Variants in EIF3D observed in about 807,000 individuals in gnomAD.
The protein encoded by EIF3D is eukaryotic translation initiation factor 3 subunit D.
Under a neutral mutation model 75.4 loss-of-function variants are expected in EIF3D, and 10 were observed. That is an observed-to-expected ratio of 0.13 (90% CI 0.08 to 0.22). The LOEUF (loss-of-function observed/expected upper bound fraction) is 0.22, where lower values mean the gene tolerates loss of function less well. Ranked by LOEUF, EIF3D falls within the 10% of genes least tolerant of loss-of-function variation. The pLI is 1.00. For missense variants in EIF3D, 394 were observed against 708.0 expected, an observed-to-expected ratio of 0.56 and a Z score of 5.03; for synonymous variants, 246 against 248.3, an observed-to-expected ratio of 0.99 and a Z score of 0.09.
At chr22:36,516,259 TCTTAACA>T (rs1427480205) in intron 12 of EIF3D, 4 of 498,738 alleles carry the variant, frequency 8.0e-6, no homozygotes, top group Non-Finnish European at 1.4e-5. Flanking sequence ...GCAGAAAAGT[TCTTAACA>T]CTTAACATAG....
chr22:36,519,617 T>G, intron 7 of EIF3D, 80 bp from the exon 8 acceptor site: 1 of 1,583,250 alleles, frequency 6.3e-7, no homozygotes, highest in Non-Finnish European at 8.6e-7. Context: ...CATCCAGAAG[T>G]CTTATCCAAA....
rs756190316 is a variant in EIF3D at position 36,524,640 on chromosome 22, T to C, written c.262A>G (p.Thr88Ala). 1.9e-6 allele frequency: 3 copies of C among 1,614,226 alleles called. No individual in the cohort carries two copies. Among genetic ancestry groups the C allele is most frequent in the Non-Finnish European group, 2.5e-6 (3 of 1,180,044 alleles). Residue 88 changes from threonine to alanine, a missense_variant, in exon 4 of 15, where the codon ACA (threonine) becomes GCA (alanine). Coordinates refer to ENST00000216190, the MANE Select transcript of EIF3D (RefSeq NM_003753.4). ...SSFQLVDTAR[T>A]QKTAYQRNRM... ...TTCCGCTGGTAGGCCGTCTTCTGTG[T>C]GCGCGCTGTATCCACCAGCTGGAAG...
chr22:36,520,160 ATT>A (rs35646898), intron 7 of EIF3D, among the ~76,000 whole-genome samples: 3 of 146,270 alleles, frequency 2.1e-5, no homozygotes, highest in Admixed American at 6.9e-5. Flanking sequence ...CTTGGTCTTG[ATT>A]TTTTTTTTTT....
intron 6 of EIF3D, 80 bp from the exon 7 acceptor site, chr22:36,520,768 G>C (rs1934500383): frequency 1.0e-6 from 1 of 989,246 alleles, no homozygotes; most frequent in African/African-American, 1.6e-5. Flanking sequence ...AAAATATGAA[G>C]AGCTGGCCTG....
At chr22:36,523,061 G>A (rs1350176926) in intron 6 of EIF3D, 148 bp downstream of exon 6, 1 of 682,610 alleles carries the variant, frequency 1.5e-6, no homozygotes, top group African/African-American at 1.8e-5. Context: ...AAAATGGTCT[G>A]AAATTGACCA....
chr22:36,516,508 G>A lies in EIF3D; in HGVS notation c.1176C>T (p.Asn392=). The change falls in exon 12 of 15, where the codon AAC becomes AAT. Residue 392 remains asparagine, a synonymous_variant. Transcript: ENST00000216190. ...AATCCCACTCATTGAGTGTCTTGAT[G>A]TTGATGAAGGACACTTCCCCGTTGG... is the stretch of plus-strand genomic sequence containing the variant. The part of the protein sequence containing the change: ...TGANGEVSFI[N]IKTLNEWDSR... 2 of 1,614,218 alleles carry A rather than the reference G, an allele frequency of 1.2e-6. No individual in the cohort carries two copies. Among genetic ancestry groups the A allele is most frequent in the Non-Finnish European group, 1.7e-6 (2 of 1,180,028 alleles).
chr22:36,511,360 A>G, intron 14 of EIF3D, 143 bp downstream of exon 14: 1 of 1,482,606 alleles, frequency 6.7e-7, no homozygotes, highest in Non-Finnish European at 9.0e-7. Flanking sequence ...AAGCTCTTGG[A>G]GCCAAAGTGA....
At position 36,511,795 on chromosome 22, in the gene EIF3D, G is replaced by C; in HGVS notation, c.1350-9C>G. On this transcript the variant is annotated splice_polypyrimidine_tract_variant and intron_variant, in intron 13 of 14. Coordinates refer to ENST00000216190, the MANE Select transcript of EIF3D (RefSeq NM_003753.4). ...GGTACCGAGACACATAACTAACAGG[G>C]GAAGGGATATCAGTGGTCAGAGCAG... 22 of 1,610,618 alleles carry C rather than the reference G, an allele frequency of 1.4e-5. No homozygotes were observed. The highest frequency in any genetic ancestry group is 1.9e-5 in the Non-Finnish European group (22 of 1,177,578).
At chr22:36,515,846 C>T (rs1346386545) in intron 12 of EIF3D, among the ~76,000 whole-genome samples, 1 of 150,870 alleles carries the variant, frequency 6.6e-6, no homozygotes, top group Non-Finnish European at 1.5e-5. Context: ...GGCCGCTGGC[C>T]CCAGAGCGGC....
At position 36,523,250 on chromosome 22, in the gene EIF3D, T is replaced by G; in HGVS notation, c.424A>C (p.Lys142Gln). 6.2e-7 allele frequency: 1 copy of G among 1,614,016 alleles called. No individual in the cohort carries two copies. Among genetic ancestry groups the G allele is most frequent in the Non-Finnish European group, 8.5e-7 (1 of 1,179,914 alleles). The change falls in exon 6 of 15, where the codon AAA (lysine) becomes CAA (glutamine). Residue 142 changes from lysine to glutamine, a missense_variant. Lys to Gln is a moderately conservative substitution (Grantham distance 53, BLOSUM62 1). Coordinates refer to ENST00000216190, the MANE Select transcript of EIF3D (RefSeq NM_003753.4). The part of the protein sequence containing the change: ...ERIRLQKKFQ[K>Q]QFGVRQKWDQ... ...CATTTCTGCCTAACCCCAAATTGTT[T>G]CTGGAACTTTTTCTGCAGTCGAATG... is the stretch of plus-strand genomic sequence containing the variant.
chr22:36,525,583 A>G, intron 3 of EIF3D, 81 bp downstream of exon 3: 1 of 1,453,248 alleles, frequency 6.9e-7, no homozygotes, highest in East Asian at 2.3e-5. Flanking sequence ...CATTCTAAAA[A>G]GCTTTCAGAA....
At chr22:36,515,748 G>A (rs1361630754) in intron 12 of EIF3D, among the ~76,000 whole-genome samples, 1 of 152,114 alleles carries the variant, frequency 6.6e-6, no homozygotes, top group African/African-American at 2.4e-5. Context: ...GGTGAGACCA[G>A]AGTAACGCGG....
chr22:36,523,775 A>C (rs1934552924), intron 5 of EIF3D, 120 bp downstream of exon 5: 1 of 953,354 alleles, frequency 1.0e-6, no homozygotes, highest in South Asian at 1.3e-5. Flanking sequence ...CTGGTTGTAG[A>C]AAGTATTTTC....
chr22:36,516,678 A>G (rs1170204948), intron 11 of EIF3D, 27 bp downstream of exon 11: 1 of 1,614,206 alleles, frequency 6.2e-7, no homozygotes, highest in Non-Finnish European at 8.5e-7. Context: ...CAGTCTGGCC[A>G]CAATACCCAC....
chr22:36,525,414 T>C (rs899925989), intron 3 of EIF3D, among the ~76,000 whole-genome samples: 5 of 152,024 alleles, frequency 3.3e-5, no homozygotes, highest in African/African-American at 1.2e-4. Context: ...CAGCTAATGT[T>C]TTCAACAGGT....
rs766992721 is a variant in EIF3D at position 36,516,756 on chromosome 22, G to A, written c.1025C>T (p.Pro342Leu). Residue 342 changes from proline (P) to leucine (L), a missense_variant, in exon 11 of 15, where the codon CCG (proline) becomes CTG (leucine). By Grantham distance (98) the Pro-to-Leu change is moderately conservative. Transcript: ENST00000216190. ...CTTATCCATGTCGTCCTCCACAAAC[G>A]GGTTTGGGTTGGGGAAGTTGTATCT... ...KERYNFPNPN[P>L]FVEDDMDKNE... 6 of 1,614,044 alleles carry A rather than the reference G, an allele frequency of 3.7e-6. No homozygotes were observed. Among genetic ancestry groups the A allele is most frequent in the African/African-American group, 2.7e-5 (2 of 74,890 alleles).
At chr22:36,520,764 T>C in intron 6 of EIF3D, 76 bp from the exon 7 acceptor site, 9 of 1,044,526 alleles carry the variant, frequency 8.6e-6, no homozygotes, top group Non-Finnish European at 1.3e-5. Flanking sequence ...GCTAAAAATA[T>C]GAAGAGCTGG....
intron 13 of EIF3D, 106 bp downstream of exon 13, chr22:36,512,354 T>A (rs1934353326): frequency 2.0e-6 from 3 of 1,488,160 alleles, no homozygotes; most frequent in Non-Finnish European, 2.7e-6. Context: ...CCTGGATTTA[T>A]CTCTGCCAGT....
intron 5 of EIF3D, among the ~76,000 whole-genome samples, 200 bp downstream of exon 5, chr22:36,523,695 G>C (rs16996856): frequency 0.11 from 16,904 of 152,042 alleles, 1,031 homozygotes; most frequent in Middle Eastern, 0.31. Context: ...ACCAGCACAA[G>C]GAGTTAGTTT....
Sources: gnomAD v4.1 joint callset for allele counts (sites outside exome capture counted in the v4.1 genomes callset) on GRCh38, gnomAD v4.1.1 for gene constraint, MANE v1.5 for transcripts, NCBI Gene and HGNC (gene_info 2026-07-23, HGNC 2026-07-21) for gene names.